The following CLYBL variants were observed in gnomAD, a reference collection of about 807,000 sequenced individuals.
CLYBL encodes the protein citramalyl-CoA lyase, mitochondrial.
Under a neutral mutation model 38.9 loss-of-function variants are expected in CLYBL, and 31 were observed. The ratio of observed to expected loss-of-function variants is 0.80; its 90% CI spans 0.60 to 1.08. CLYBL has a LOEUF of 1.08. Among genes scored for constraint, CLYBL ranks in the 50% least tolerant of loss-of-function variants. The pLI is 0.00. For missense variants in CLYBL, 434 were observed against 411.6 expected (o/e 1.05, Z -0.47); for synonymous variants, 171 against 158.6 (o/e 1.08, Z -0.59).
intron 1 of CLYBL, among the ~76,000 whole-genome samples, chr13:99,682,389 A>G (rs4377025): frequency 0.5 from 75,816 of 151,924 alleles, 20,066 homozygotes; most frequent in African/African-American, 0.68. Flanking sequence ...TGGTCTGCCC[A>G]CCTTGGCCTC....
At chr13:99,879,101 C>T (rs2052127031) in intron 7 of CLYBL, among the ~76,000 whole-genome samples, 1 of 152,122 alleles carries the variant, frequency 6.6e-6, no homozygotes, top group South Asian at 2.1e-4. Flanking sequence ...CCTTTCCTGC[C>T]CTGCTCCTGC....
At chr13:99,904,099 C>G (rs1182328446) in intron 8 of CLYBL, among the ~76,000 whole-genome samples, 2 of 151,720 alleles carry the variant, frequency 1.3e-5, no homozygotes, top group Non-Finnish European at 2.9e-5. Context: ...ATAAAAAGCA[C>G]AGCATTTTGT....
chr13:99,877,774 AT>A, intron 7 of CLYBL: 1 of 214,766 alleles, frequency 4.7e-6, no homozygotes, highest in Non-Finnish European at 9.4e-6. Flanking sequence ...GTGTTTCACC[AT>A]TTTGGTCAGG....
At chr13:99,747,074 C>G (rs1234384150) in intron 1 of CLYBL, among the ~76,000 whole-genome samples, 1 of 152,178 alleles carries the variant, frequency 6.6e-6, no homozygotes, top group East Asian at 1.9e-4. Flanking sequence ...AACCTCTGCT[C>G]CTCCTTCTCT....
intron 2 of CLYBL, among the ~76,000 whole-genome samples, chr13:99,819,477 C>G (rs2050543108): frequency 3.2e-5 from 3 of 94,016 alleles, no homozygotes; most frequent in Non-Finnish European, 4.3e-5. Context: ...TAATATTTGT[C>G]AGGGTTGTCT....
chr13:99,818,149 T>C (rs1442543628), intron 2 of CLYBL, among the ~76,000 whole-genome samples: 2 of 152,146 alleles, frequency 1.3e-5, no homozygotes, highest in Admixed American at 6.5e-5. Context: ...TGAGAACTTA[T>C]GTGGCAGAGA....
intron 1 of CLYBL, among the ~76,000 whole-genome samples, chr13:99,666,686 T>C (rs1455593585): frequency 6.6e-6 from 1 of 151,508 alleles, no homozygotes; most frequent in Non-Finnish European, 1.5e-5. Context: ...TGAATGATTT[T>C]TCATTATGCA....
chr13:99,710,439 T>C (rs2048212912), intron 1 of CLYBL, among the ~76,000 whole-genome samples: 2 of 152,160 alleles, frequency 1.3e-5, no homozygotes, highest in African/African-American at 4.8e-5. Flanking sequence ...AAAGCTCTTA[T>C]TATTTATACT....
chr13:99,859,842 G>T (rs891103838), intron 3 of CLYBL, among the ~76,000 whole-genome samples: 15 of 152,188 alleles, frequency 9.9e-5, no homozygotes, highest in Admixed American at 3.3e-4. Flanking sequence ...ACATTTCACT[G>T]TGTTGTTCTG....
chr13:99,707,638 G>A (rs942331035), intron 1 of CLYBL, among the ~76,000 whole-genome samples: 3 of 152,104 alleles, frequency 2.0e-5, no homozygotes, highest in Non-Finnish European at 4.4e-5. Context: ...TAAAAAGTTT[G>A]AAACACTAGT....
intron 2 of CLYBL, 25 bp from the exon 3 acceptor site, chr13:99,858,836 A>T: frequency 6.4e-7 from 1 of 1,553,002 alleles, no homozygotes; most frequent in Non-Finnish European, 8.7e-7. Flanking sequence ...AAAATAAACA[A>T]TAAACTTTTT....
intron 2 of CLYBL, among the ~76,000 whole-genome samples, chr13:99,819,451 T>A (rs1278816209): frequency 3.1e-5 from 2 of 65,196 alleles, no homozygotes; most frequent in African/African-American, 1.4e-4. Flanking sequence ...TATATATATA[T>A]ATATATATAT....
intron 2 of CLYBL, among the ~76,000 whole-genome samples, chr13:99,830,678 T>G (rs2050786939): frequency 1.3e-5 from 2 of 152,188 alleles, no homozygotes. Flanking sequence ...CAGGCACTGT[T>G]CCTCTTAAGG....
chr13:99,640,095 TACTA>T (rs2047072785), intron 1 of CLYBL, among the ~76,000 whole-genome samples: 1 of 152,258 alleles, frequency 6.6e-6, no homozygotes, highest in Non-Finnish European at 1.5e-5. Flanking sequence ...TCTCTCTTGA[TACTA>T]TAAAAGTAAC....
intron 1 of CLYBL, among the ~76,000 whole-genome samples, chr13:99,644,233 T>C (rs1327249041): frequency 6.6e-6 from 1 of 151,462 alleles, no homozygotes; most frequent in African/African-American, 2.4e-5. Context: ...GTATATGTGG[T>C]GTATGTATGT....
Position 99,869,874 on chromosome 13 carries a change from G to GT in CLYBL, c.803-1064_803-1063insT, listed in dbSNP as rs2051840058. 6.6e-6 allele frequency among the ~76,000 whole-genome samples: 1 copy of GT among 151,950 alleles called. No individual in the cohort carries two copies. Among genetic ancestry groups the GT allele is most frequent in the African/African-American group, 2.4e-5 (1 of 41,402 alleles). ...TTAAGTGTACATTCATTTTTAAAGA[G>GT]CCAATTATGTTCATAACTTTATCAC... On this transcript the variant is annotated intron_variant, in intron 6 of 8. Transcript: ENST00000339105. This position sits in a 1 kb window ranked among gnomAD's most constrained non-coding sequence, Gnocchi z 4.3.
intron 2 of CLYBL, among the ~76,000 whole-genome samples, chr13:99,777,866 A>G (rs555928881): frequency 1.1e-4 from 16 of 152,342 alleles, no homozygotes; most frequent in Non-Finnish European, 1.6e-4. Flanking sequence ...TAATCCTTAT[A>G]GCAATGTTTT....
intron 2 of CLYBL, among the ~76,000 whole-genome samples, chr13:99,806,724 AC>A (rs754206751): frequency 7.2e-5 from 11 of 152,188 alleles, no homozygotes; most frequent in Non-Finnish European, 1.6e-4. Context: ...AGATATCTTC[AC>A]TGTTATTATG....
At chr13:99,668,273 T>TA (rs34558107) in intron 1 of CLYBL, among the ~76,000 whole-genome samples, 45,117 of 145,726 alleles carry the variant, frequency 0.31, 7,650 homozygotes, top group Middle Eastern at 0.45. Context: ...GCCCTTGTCT[T>TA]AAAAAAAAAA....
Sources: gnomAD v4.1 joint callset for allele counts (sites outside exome capture counted in the v4.1 genomes callset) on GRCh38, gnomAD v4.1.1 for gene constraint, Gnocchi (gnomAD v3.1) non-coding constraint, MANE v1.5 for transcripts, NCBI Gene and HGNC (gene_info 2026-07-23, HGNC 2026-07-21) for gene names.